MIA2: variants seen among roughly 807,000 people sequenced by gnomAD.
MIA2 encodes melanoma inhibitory activity protein 2.
Under a neutral mutation model 167.8 loss-of-function variants are expected in MIA2, and 127 were observed. The observed-to-expected ratio is 0.76, with a 90% confidence interval of 0.66 to 0.88. MIA2 has a LOEUF of 0.88. Among genes scored for constraint, MIA2 ranks in the 40% least tolerant of loss-of-function variants. MIA2 has a pLI of 0.00. For missense variants in MIA2, 1,690 were observed against 1,624.7 expected, an observed-to-expected ratio of 1.04 and a Z score of -0.69; for synonymous variants, 552 against 541.9, an observed-to-expected ratio of 1.02 and a Z score of -0.26.
Position 39,286,317 on chromosome 14 carries a change from CGCCTGCAATTGCAG to C in MIA2, c.2131-4699_2131-4686del, listed in dbSNP as rs753883546. Among the ~76,000 whole-genome samples, 78 of 152,044 alleles carry C rather than the reference CGCCTGCAATTGCAG, an allele frequency of 5.1e-4. No individual in the cohort carries two copies. In the East Asian group the frequency reaches 0.012, roughly 24 times the overall value. The stretch of plus-strand genomic sequence containing the variant: ...AAAACCAGTCAGGTGTGGTGGCGCG[CGCCTGCAATTGCAG>C]GCACTCGGCAGGCTGAGGCAGGAGA... On this transcript the variant is annotated intron_variant, in intron 9 of 28. Transcript: ENST00000640607.
intron 6 of MIA2, chr14:39,267,115 G>C (rs548654464): frequency 8.9e-7 from 1 of 1,129,686 alleles, no homozygotes. Context: ...GGAAGTTTGC[G>C]GCTGTCCGCG....
chr14:39,293,228 A>C (rs750050778), intron 10 of MIA2, 43 bp from the exon 11 acceptor site: 4 of 1,320,066 alleles, frequency 3.0e-6, no homozygotes, highest in Admixed American at 4.0e-5. Context: ...TCCCTAATGA[A>C]AAATTCTTAT....
Position 39,308,452 on chromosome 14 carries a change from A to G in MIA2, c.2882A>G (p.His961Arg), listed in dbSNP as rs774017356. ...VDKTKEELTE[H>R]IKNLQTEQAS... ...ATGACTTAAAATTTTTATATAGAGCATATTAAAAATCTTCAGACTGAACAA... is the reference window on the plus strand; with the variant it reads ...ATGACTTAAAATTTTTATATAGAGCGTATTAAAAATCTTCAGACTGAACAA... Residue 961 changes from histidine to arginine, a missense_variant, in exon 18 of 29, where the codon CAT (histidine) becomes CGT (arginine). His to Arg is a conservative substitution (Grantham distance 29). Coordinates refer to ENST00000640607, the MANE Select transcript of MIA2 (RefSeq NM_001329214.4). 6.6e-6 allele frequency: 10 copies of G among 1,508,078 alleles called. No homozygotes were observed. The highest frequency in any genetic ancestry group is 8.0e-6 in the Non-Finnish European group (9 of 1,120,110). 93.4% of individuals were successfully genotyped at this position (1,508,078 alleles called of 1,614,324 possible).
At chr14:39,386,016 C>CT (rs2075268197) in intron 23 of MIA2, 1 of 965,674 alleles carries the variant, frequency 1.0e-6, no homozygotes, top group Non-Finnish European at 1.6e-6. Flanking sequence ...CACCTACAGT[C>CT]TGTCATGACA....
At chr14:39,373,302 T>C (rs1179136373) in intron 23 of MIA2, among the ~76,000 whole-genome samples, 2 of 116,884 alleles carry the variant, frequency 1.7e-5, no homozygotes, top group Admixed American at 9.2e-5. Flanking sequence ...AAAAAATTCT[T>C]GGCCAAAAAA....
At chr14:39,303,615 T>C in intron 16 of MIA2, 91 bp downstream of exon 16, 1 of 842,792 alleles carries the variant, frequency 1.2e-6, no homozygotes, top group Non-Finnish European at 1.9e-6. Context: ...AAGTCCATTT[T>C]ATTGTTCCCA....
intron 6 of MIA2, chr14:39,276,704 A>T: frequency 2.3e-6 from 1 of 430,542 alleles, no homozygotes; most frequent in Non-Finnish European, 4.2e-6. Flanking sequence ...GGAAACTTTA[A>T]GTCACCTCTG....
chr14:39,255,734 C>A (rs539804354), intron 6 of MIA2, among the ~76,000 whole-genome samples: 1 of 152,210 alleles, frequency 6.6e-6, no homozygotes, highest in Non-Finnish European at 1.5e-5. Flanking sequence ...CTGATCAACA[C>A]ATGATACTCA....
chr14:39,358,553 G>A (rs1046892716), intron 23 of MIA2, among the ~76,000 whole-genome samples: 40 of 152,204 alleles, frequency 2.6e-4, no homozygotes, highest in African/African-American at 8.7e-4. Flanking sequence ...CTCTCAACCC[G>A]TTAAAGTCAT....
chr14:39,318,031 C>A lies in MIA2; in HGVS notation c.3284+20C>A, dbSNP rs1282510935. On this transcript the variant is annotated intron_variant, in intron 22 of 28. Transcript: ENST00000640607. Reference sequence around the variant, plus strand: ...ACAAAAGTAAGTATCTTAGTGGGAACATTTAAAATTAGTTATTCTGTTATT... The same window carrying A: ...ACAAAAGTAAGTATCTTAGTGGGAAAATTTAAAATTAGTTATTCTGTTATT... 1 of 1,515,320 alleles carries A rather than the reference C, an allele frequency of 6.6e-7. No individual in the cohort carries two copies. The highest frequency in any genetic ancestry group is 8.9e-7 in the Non-Finnish European group (1 of 1,118,254). The allele number at this position is 1,515,320 out of a possible 1,614,324, so 93.9% of individuals were successfully genotyped here.
chr14:39,386,011 A>G, intron 23 of MIA2: 1 of 939,664 alleles, frequency 1.1e-6, no homozygotes, highest in South Asian at 1.5e-5. Flanking sequence ...AGCAGCACCT[A>G]CAGTCTGTCA....
intron 2 of MIA2, among the ~76,000 whole-genome samples, chr14:39,238,192 T>G (rs79327384): frequency 6.6e-6 from 1 of 151,596 alleles, no homozygotes; most frequent in African/African-American, 2.4e-5. Flanking sequence ...TTTTTTTTAT[T>G]GAGACAGAGT....
chr14:39,348,940 AG>A lies in MIA2; in HGVS notation c.4039del (p.Asp1347IlefsTer12). 1 of 1,614,026 alleles carries A rather than the reference AG, an allele frequency of 6.2e-7. No homozygotes were observed. The highest frequency in any genetic ancestry group is 8.5e-7 in the Non-Finnish European group (1 of 1,179,924). ...GAGCTTCTCGAGATTATTTTCCACC[AG>A]GGGATTTCCCAGGTCCACCACCTGC... ...FGASRDYFPP[G>X]DFPGPPPAPF... On this transcript the variant is annotated frameshift_variant, in exon 28 of 29. Coordinates refer to ENST00000640607, the MANE Select transcript of MIA2 (RefSeq NM_001329214.4). LOFTEE classifies it high-confidence loss of function.
intron 6 of MIA2, chr14:39,267,579 G>T: frequency 1.3e-6 from 2 of 1,597,184 alleles, no homozygotes; most frequent in South Asian, 1.1e-5. Flanking sequence ...GCCGCCGGGG[G>T]AAGGAAGCAG....
At position 39,357,887 on chromosome 14, in the gene MIA2, CT is replaced by C. The variant is rs1444930426; in HGVS notation, c.2248+8911del. Reference sequence around the variant, plus strand: ...AGAATGTTGAATATTGGCCCGCACTCTCTTCTGGCTTGTAAAGATTCTGCCG... The same window carrying C: ...AGAATGTTGAATATTGGCCCGCACTCCTTCTGGCTTGTAAAGATTCTGCCG... On this transcript the variant is annotated intron_variant, in intron 23 of 23. Coordinates refer to the MIA2 transcript ENST00000341502. 2.8e-4 allele frequency among the ~76,000 whole-genome samples: 6 copies of C among 21,542 alleles called. No homozygotes were observed. In the African/African-American group the frequency reaches 6.5e-3, roughly 23 times the overall value. 14.1% of individuals were successfully genotyped at this position (21,542 alleles called of 152,430 possible).
intron 1 of MIA2, 101 bp from the exon 2 acceptor site, chr14:39,236,820 CA>C: frequency 1.8e-6 from 2 of 1,102,028 alleles, no homozygotes; most frequent in Non-Finnish European, 2.5e-6. Context: ...AAGAAATTAG[CA>C]TTTGGAAACA....
intron 28 of MIA2, among the ~76,000 whole-genome samples, chr14:39,349,493 T>C (rs112222386): frequency 0.02 from 3,086 of 152,310 alleles, 111 homozygotes; most frequent in African/African-American, 0.071. Flanking sequence ...AATAATATGT[T>C]GCTTTTATAT....
At chr14:39,384,683 C>T (rs2075237444) in intron 23 of MIA2, among the ~76,000 whole-genome samples, 1 of 152,126 alleles carries the variant, frequency 6.6e-6, no homozygotes, top group South Asian at 2.1e-4. Context: ...GCACACTCAG[C>T]CAGGTGCCTG....
intron 2 of MIA2, among the ~76,000 whole-genome samples, chr14:39,240,069 C>T (rs989343440): frequency 2.0e-5 from 3 of 152,166 alleles, no homozygotes; most frequent in African/African-American, 7.2e-5. Context: ...GGAACCAAAT[C>T]CTCCCTGAAG....
Sources: allele counts gnomAD v4.1 joint callset (sites outside exome capture counted in the v4.1 genomes callset), GRCh38; gene constraint gnomAD v4.1.1; transcripts MANE v1.5; gene names NCBI Gene and HGNC (gene_info 2026-07-23, HGNC 2026-07-21).